Variants in PRMT8 observed in about 807,000 individuals in gnomAD.
The protein encoded by PRMT8 is protein arginine methyltransferase 8.
In PRMT8, 7 loss-of-function variants were observed where a neutral mutation model predicts 47.1. The ratio of observed to expected loss-of-function variants is 0.15; its 90% CI spans 0.08 to 0.28. The LOEUF (loss-of-function observed/expected upper bound fraction) is 0.28, where lower values mean the gene tolerates loss of function less well. PRMT8 is among the 10% of genes least tolerant of loss of function. PRMT8 has a pLI of 1.00. For synonymous variants in PRMT8, 188 were observed against 186.5 expected (o/e 1.01, Z -0.07); for missense variants, 237 against 505.4 (o/e 0.47, Z 5.09).
At chr12:3,565,346 C>T (rs949276408) in intron 4 of PRMT8, among the ~76,000 whole-genome samples, 2 of 152,066 alleles carry the variant, frequency 1.3e-5, no homozygotes, top group Non-Finnish European at 2.9e-5. Context: ...GCGTAAGTTG[C>T]TGCCTTTTAG....
chr12:3,553,303 C>T (rs923899504), intron 3 of PRMT8: 4 of 336,566 alleles, frequency 1.2e-5, no homozygotes, highest in Admixed American at 4.4e-5. Context: ...TCTGCCTTCC[C>T]GCGTCCCCCA....
chr12:3,433,697 G>A (rs933652959), intron 1 of PRMT8, among the ~76,000 whole-genome samples: 3 of 151,938 alleles, frequency 2.0e-5, no homozygotes, highest in Non-Finnish European at 2.9e-5. Flanking sequence ...CTGCAACCTC[G>A]GCCTCCCGGG....
At chr12:3,454,917 C>G (rs144498924) in intron 1 of PRMT8, among the ~76,000 whole-genome samples, 49 of 152,276 alleles carry the variant, frequency 3.2e-4, no homozygotes, top group African/African-American at 1.2e-3. Flanking sequence ...TGTGAAATTA[C>G]CACGTCAGCT....
At chr12:3,450,793 A>G (rs1191523681) in intron 1 of PRMT8, among the ~76,000 whole-genome samples, 3 of 152,202 alleles carry the variant, frequency 2.0e-5, no homozygotes, top group Non-Finnish European at 4.4e-5. Context: ...GAGATTTAAT[A>G]TAATTAAAAT....
At chr12:3,463,713 C>G (rs1368935118) in intron 1 of PRMT8, 1 of 152,254 alleles carries the variant, frequency 6.6e-6, no homozygotes, top group Non-Finnish European at 1.5e-5. Flanking sequence ...CCTGCCTCAG[C>G]TTCTCCAAGC....
At chr12:3,585,345 CT>C (rs71061123) in intron 8 of PRMT8, among the ~76,000 whole-genome samples, 511 of 45,742 alleles carry the variant, frequency 0.011, no homozygotes, top group Middle Eastern at 0.036. Flanking sequence ...GAAAATGATG[CT>C]TTTTTTTTTT....
Position 3,564,809 on chromosome 12 carries a change from T to C in PRMT8, c.482-3897T>C, listed in dbSNP as rs572500698. Among the ~76,000 whole-genome samples the C allele has an allele frequency of 6.6e-6, 1 of 152,360 alleles. No homozygotes were observed. The highest frequency in any genetic ancestry group is 2.4e-5 in the African/African-American group (1 of 41,578). On this transcript the variant is annotated intron_variant, in intron 4 of 9. Transcript: ENST00000382622. The surrounding 1 kb of genome is among the most constrained non-coding windows in gnomAD (Gnocchi z 4.0). ...TAGACCCCCTTGAAAATCCTTTGCATGGAGGAGAAGGGAAGACTGCTGCTG... is the reference window on the plus strand; with the variant it reads ...TAGACCCCCTTGAAAATCCTTTGCACGGAGGAGAAGGGAAGACTGCTGCTG...
rs1867107675 is a variant in PRMT8 at position 3,583,302 on chromosome 12, A to T, written c.979+94A>T. Reference sequence around the variant, plus strand: ...CAGAGCTGGCCTTGACTTGGGGAGAAGGGGCTGGGTGTTAGCTGGGTGACA... The same window carrying T: ...CAGAGCTGGCCTTGACTTGGGGAGATGGGGCTGGGTGTTAGCTGGGTGACA... On this transcript the variant is annotated intron_variant, in intron 8 of 9. Transcript: ENST00000382622. The surrounding 1 kb of genome is among the most constrained non-coding windows in gnomAD (Gnocchi z 4.7). The T allele has an allele frequency of 7.2e-7, 1 of 1,392,744 alleles. No homozygotes were observed. Among genetic ancestry groups the T allele is most frequent in the South Asian group, 1.4e-5 (1 of 69,090 alleles). 86.3% of individuals were successfully genotyped at this position (1,392,744 alleles called of 1,614,324 possible). A position where few individuals can be genotyped will look rare whatever the true frequency, so the allele number is the denominator to read the frequency against.
chr12:3,555,214 A>T (rs538121593), intron 4 of PRMT8, among the ~76,000 whole-genome samples: 2 of 152,234 alleles, frequency 1.3e-5, no homozygotes, highest in African/African-American at 2.4e-5. Context: ...CAGACACTCA[A>T]AGAAAAATAT....
chr12:3,505,702 TG>T (rs1479238561), intron 1 of PRMT8, among the ~76,000 whole-genome samples: 1 of 152,236 alleles, frequency 6.6e-6, no homozygotes, highest in Non-Finnish European at 1.5e-5. Flanking sequence ...GTAGCAGAGC[TG>T]GAATGCTCTC....
chr12:3,541,590 A>G (rs887501850), intron 2 of PRMT8, among the ~76,000 whole-genome samples: 2 of 152,216 alleles, frequency 1.3e-5, no homozygotes, highest in Non-Finnish European at 2.9e-5. Flanking sequence ...GCATAAGAAA[A>G]AATTGAAAAA....
At chr12:3,473,683 C>T (rs1591560939) in intron 1 of PRMT8, among the ~76,000 whole-genome samples, 1 of 152,274 alleles carries the variant, frequency 6.6e-6, no homozygotes, top group East Asian at 1.9e-4. Flanking sequence ...ACCCCCACAA[C>T]AAAGTTCCTT....
At chr12:3,428,091 C>T (rs1864625513) in intron 1 of PRMT8, among the ~76,000 whole-genome samples, 1 of 152,152 alleles carries the variant, frequency 6.6e-6, no homozygotes, top group Non-Finnish European at 1.5e-5. Flanking sequence ...TTCAATTACC[C>T]TGGAGGAACC....
intron 1 of PRMT8, among the ~76,000 whole-genome samples, chr12:3,525,146 T>C (rs1865934052): frequency 6.6e-6 from 1 of 152,106 alleles, no homozygotes; most frequent in Non-Finnish European, 1.5e-5. Context: ...GGCTTGAACC[T>C]GGGAGGCAGA....
At chr12:3,578,474 T>C (rs1256486914) in intron 7 of PRMT8, among the ~76,000 whole-genome samples, 1 of 151,934 alleles carries the variant, frequency 6.6e-6, no homozygotes, top group Non-Finnish European at 1.5e-5. Flanking sequence ...TCCACCCACC[T>C]CAGCTTCCCA....
intron 1 of PRMT8, among the ~76,000 whole-genome samples, chr12:3,465,676 C>T (rs1591558074): frequency 6.6e-6 from 1 of 152,138 alleles, no homozygotes; most frequent in South Asian, 2.1e-4. Context: ...TGGCTGTAAA[C>T]AGACGCTGAA....
At position 3,576,764 on chromosome 12, in the gene PRMT8, C is replaced by T. The variant is rs773114612; in HGVS notation, c.713-107C>T. The T allele has an allele frequency of 2.0e-5, 16 of 799,126 alleles. No homozygotes were observed. The highest frequency in any genetic ancestry group is 1.5e-4 in the East Asian group (6 of 40,728). 49.5% of individuals were successfully genotyped at this position (799,126 alleles called of 1,614,324 possible). ...GCCTCTATTTCGATGCAAGGGAACT[C>T]GAGCTGCCACTCAGCCCTCAGGCAC... On this transcript the variant is annotated intron_variant, in intron 6 of 9. Coordinates refer to ENST00000382622, the MANE Select transcript of PRMT8 (RefSeq NM_019854.5). This position sits in a 1 kb window ranked among gnomAD's most constrained non-coding sequence, Gnocchi z 4.0.
At chr12:3,485,252 A>G (rs1479501041) in intron 1 of PRMT8, among the ~76,000 whole-genome samples, 1 of 151,982 alleles carries the variant, frequency 6.6e-6, no homozygotes. Context: ...GCATTGGAAG[A>G]CTCTTGCTAT....
intron 9 of PRMT8, 133 bp from the exon 10 acceptor site, chr12:3,592,966 C>G: frequency 1.4e-6 from 1 of 704,436 alleles, no homozygotes. Flanking sequence ...CAGGGGAACC[C>G]CTTAGCCAGA....
Sources: gnomAD v4.1 joint callset for allele counts (sites outside exome capture counted in the v4.1 genomes callset) on GRCh38, gnomAD v4.1.1 for gene constraint, Gnocchi (gnomAD v3.1) non-coding constraint, MANE v1.5 for transcripts, NCBI Gene and HGNC (gene_info 2026-07-23, HGNC 2026-07-21) for gene names.